Variants in TMEM128 observed in about 807,000 individuals in gnomAD.
The protein encoded by TMEM128 is transmembrane protein 128.
In TMEM128, 16 loss-of-function variants were observed where a neutral mutation model predicts 19.7. The observed-to-expected ratio is 0.81, with a 90% confidence interval of 0.55 to 1.23. The LOEUF is 1.23. Among genes scored for constraint, TMEM128 ranks in the 50% most tolerant of loss-of-function variants. The probability of loss-of-function intolerance (pLI) is 0.00; values close to 1 mark genes in which losing one functional copy is unlikely to be tolerated. For synonymous variants in TMEM128, 98 were observed against 75.8 expected, an observed-to-expected ratio of 1.29 and a Z score of -1.52; for missense variants, 237 against 200.8, an observed-to-expected ratio of 1.18 and a Z score of -1.09.
intron 1 of TMEM128, 92 bp from the exon 2 acceptor site, chr4:4,246,435 A>C: frequency 7.7e-7 from 1 of 1,298,588 alleles, no homozygotes; most frequent in Non-Finnish European, 1.1e-6. Flanking sequence ...TCCTAGAGCT[A>C]AGAAACAGTC....
intron 2 of TMEM128, among the ~76,000 whole-genome samples, chr4:4,243,594 C>T (rs1210262819): frequency 1.3e-5 from 2 of 152,188 alleles, no homozygotes; most frequent in Non-Finnish European, 2.9e-5. Context: ...TCAATACCCC[C>T]CAACTCCCCT....
At chr4:4,243,149 G>A (rs1221176470) in intron 2 of TMEM128, among the ~76,000 whole-genome samples, 2 of 151,972 alleles carry the variant, frequency 1.3e-5, no homozygotes, top group Non-Finnish European at 2.9e-5. Context: ...GCGCGATCTC[G>A]GCTCACTGCA....
chr4:4,240,394 T>A lies in TMEM128; in HGVS notation c.325A>T (p.Ile109Phe). 6.2e-7 allele frequency: 1 copy of A among 1,614,152 alleles called. No homozygotes were observed. The highest frequency in any genetic ancestry group is 8.5e-7 in the Non-Finnish European group (1 of 1,179,998). The change falls in exon 3 of 5, where the codon ATT (isoleucine) becomes TTT (phenylalanine). Residue 109 changes from isoleucine to phenylalanine, a missense_variant. Ile to Phe is a conservative substitution (Grantham distance 21). Transcript: ENST00000382753. ...GGATACTTGACATCATATTCTCCAATTCCACAATACCATTCCAGGTAGACT... is the reference window on the plus strand; with the variant it reads ...GGATACTTGACATCATATTCTCCAAATCCACAATACCATTCCAGGTAGACT... ...CIVYLEWYCG[I>F]GEYDVKYPAL...
At chr4:4,237,765 T>C in intron 4 of TMEM128, 62 bp downstream of exon 4, 1 of 1,037,926 alleles carries the variant, frequency 9.6e-7, no homozygotes, top group Non-Finnish European at 1.5e-6. Context: ...CCACTGAAAA[T>C]TGTCATAAAA....
chr4:4,246,160 T>A lies in TMEM128; in HGVS notation c.239+42A>T. 5 of 1,563,258 alleles carry A rather than the reference T, an allele frequency of 3.2e-6. No homozygotes were observed. The South Asian group carries it at 6.0e-5, about 19-fold the overall frequency. On this transcript the variant is annotated intron_variant, in intron 2 of 4. Transcript: ENST00000382753. ...AACTAACAAAATATAACACGAAAAATCAGACTTGGGTTTAATTTACAAAGC... is the reference window on the plus strand; with the variant it reads ...AACTAACAAAATATAACACGAAAAAACAGACTTGGGTTTAATTTACAAAGC...
intron 1 of TMEM128, chr4:4,247,651 G>C (rs1383242395): frequency 6.2e-7 from 1 of 1,614,116 alleles, no homozygotes; most frequent in Non-Finnish European, 8.5e-7. Context: ...ACTTCCCTTT[G>C]AAAATCATCC....
chr4:4,247,737 C>A (rs1187369462), intron 1 of TMEM128: 10 of 1,576,206 alleles, frequency 6.3e-6, no homozygotes, highest in Non-Finnish European at 8.6e-6. Flanking sequence ...TTTCTGCTGA[C>A]GGGCAAGGCA....
chr4:4,237,129 T>G (rs955209696), intron 4 of TMEM128: 2 of 450,776 alleles, frequency 4.4e-6, no homozygotes, highest in African/African-American at 4.0e-5. Flanking sequence ...GCTGATTGTG[T>G]CATCCAACAC....
intron 3 of TMEM128, 40 bp downstream of exon 3, chr4:4,240,281 T>G: frequency 6.2e-7 from 1 of 1,600,034 alleles, no homozygotes; most frequent in South Asian, 1.1e-5. Flanking sequence ...AAAAAAAAAT[T>G]TGTTGTTCAT....
rs772519381 is a variant in TMEM128 at position 4,248,216 on chromosome 4, C to T, written c.-14G>A. On this transcript the variant is annotated 5_prime_UTR_variant, in exon 1 of 5. Coordinates refer to ENST00000382753, the MANE Select transcript of TMEM128 (RefSeq NM_001297551.2). The stretch of plus-strand genomic sequence containing the variant: ...CGAGGAGTCCATCTTGGTACCGCCC[C>T]GAAATGCGACGGAAGTGACGTCAGA... 6.7e-7 allele frequency: 1 copy of T among 1,489,286 alleles called. No individual in the cohort carries two copies. The highest frequency in any genetic ancestry group is 1.3e-5 in the South Asian group (1 of 79,046). 92.3% of individuals were successfully genotyped at this position (1,489,286 alleles called of 1,614,324 possible).
intron 2 of TMEM128, among the ~76,000 whole-genome samples, chr4:4,245,583 C>T (rs1030844966): frequency 6.6e-6 from 1 of 152,188 alleles, no homozygotes; most frequent in Non-Finnish European, 1.5e-5. Flanking sequence ...CTACCTTCCT[C>T]ATCCTACAAC....
chr4:4,241,552 A>G (rs1717957562), intron 2 of TMEM128, among the ~76,000 whole-genome samples: 1 of 152,244 alleles, frequency 6.6e-6, no homozygotes, highest in African/African-American at 2.4e-5. Context: ...ACAGATGGCT[A>G]CAACAGATAA....
intron 2 of TMEM128, 39 bp from the exon 3 acceptor site, chr4:4,240,518 A>C (rs1157521965): frequency 6.3e-7 from 1 of 1,590,130 alleles, no homozygotes; most frequent in Non-Finnish European, 8.6e-7. Flanking sequence ...GACAGCACTT[A>C]ATGAATCGTC....
intron 2 of TMEM128, among the ~76,000 whole-genome samples, chr4:4,244,760 C>G (rs947604406): frequency 1.3e-5 from 2 of 152,170 alleles, no homozygotes; most frequent in Non-Finnish European, 2.9e-5. Context: ...AGACCAGACT[C>G]TGCGCTTCCT....
intron 1 of TMEM128, among the ~76,000 whole-genome samples, chr4:4,246,559 C>T (rs1718182867): frequency 6.6e-6 from 1 of 152,160 alleles, no homozygotes; most frequent in African/African-American, 2.4e-5. Flanking sequence ...CCTCTAAATA[C>T]ATTGTGAAAT....
intron 2 of TMEM128, among the ~76,000 whole-genome samples, chr4:4,242,029 G>A (rs976214649): frequency 3.9e-5 from 6 of 152,130 alleles, no homozygotes; most frequent in Admixed American, 6.6e-5. Flanking sequence ...AGCCTCCCAA[G>A]TAGCTGGAAT....
chr4:4,241,013 A>G (rs894479), intron 2 of TMEM128, among the ~76,000 whole-genome samples: 47,638 of 152,164 alleles, frequency 0.31, 8,055 homozygotes, highest in East Asian at 0.46. Flanking sequence ...GGAGGCAGAG[A>G]TTGCAATGAG....
At position 4,237,839 on chromosome 4, in the gene TMEM128, T is replaced by C. The variant is rs1717787136; in HGVS notation, c.495A>G (p.Gly165=). The change falls in exon 4 of 5, where the codon GGA becomes GGG. Residue 165 remains glycine (G), a synonymous_variant. Coordinates refer to ENST00000382753, the MANE Select transcript of TMEM128 (RefSeq NM_001297551.2). ...MGVVMFITLL[G] ...CCAGATATCTTACCTTCGGAAATCA[T>C]CCAAGGAGTGTGATAAACATGACAA... 4 of 1,610,708 alleles carry C rather than the reference T, an allele frequency of 2.5e-6. No individual in the cohort carries two copies. Among genetic ancestry groups the C allele is most frequent in the South Asian group, 1.1e-5 (1 of 90,844 alleles).
chr4:4,240,617 T>C (rs1207359461), intron 2 of TMEM128, 138 bp from the exon 3 acceptor site: 1 of 938,208 alleles, frequency 1.1e-6, no homozygotes, highest in East Asian at 2.6e-5. Flanking sequence ...AAACAATCCA[T>C]GCTTTCAGAA....
Sources: gnomAD v4.1 joint callset for allele counts (sites outside exome capture counted in the v4.1 genomes callset) on GRCh38, gnomAD v4.1.1 for gene constraint, MANE v1.5 for transcripts, NCBI Gene and HGNC (gene_info 2026-07-23, HGNC 2026-07-21) for gene names.